Variants in ZC3H13 observed in about 807,000 individuals in gnomAD.
The protein encoded by ZC3H13 is zinc finger CCCH-type containing 13.
A neutral mutation model predicts 204.1 loss-of-function variants in ZC3H13; 64 were observed. That is an observed-to-expected ratio of 0.31 (90% confidence interval 0.26 to 0.39). The LOEUF is 0.39. Among genes scored for constraint, ZC3H13 ranks in the 10% least tolerant of loss-of-function variants. The pLI, the probability that ZC3H13 is intolerant of heterozygous loss-of-function variation, is 1.00. For synonymous variants in ZC3H13, 667 were observed against 693.7 expected (o/e 0.96, Z 0.60); for missense variants, 1,833 against 2,082.7 (o/e 0.88, Z 2.33).
At chr13:45,978,861 C>A (rs1953298963) in intron 11 of ZC3H13, among the ~76,000 whole-genome samples, 1 of 152,054 alleles carries the variant, frequency 6.6e-6, no homozygotes, top group Non-Finnish European at 1.5e-5. Context: ...TTCTACACAT[C>A]TTTTAACCAA....
chr13:46,010,810 T>C (rs992459278), intron 6 of ZC3H13, among the ~76,000 whole-genome samples: 2 of 151,488 alleles, frequency 1.3e-5, no homozygotes, highest in Non-Finnish European at 2.9e-5. Context: ...GAGGATCCCT[T>C]GAGCCCAGGA....
chr13:46,024,005 C>G (rs1660975490), intron 4 of ZC3H13, among the ~76,000 whole-genome samples: 1 of 152,140 alleles, frequency 6.6e-6, no homozygotes, highest in Admixed American at 6.6e-5. Flanking sequence ...ATGGCTTAGG[C>G]CTGCTTCCTG....
intron 4 of ZC3H13, among the ~76,000 whole-genome samples, chr13:46,023,999 C>T (rs933245943): frequency 6.6e-5 from 10 of 152,192 alleles, no homozygotes; most frequent in Admixed American, 1.3e-4. Context: ...GGATAAATGG[C>T]TTAGGCCTGC....
chr13:46,026,032 A>G (rs892989249), intron 4 of ZC3H13, among the ~76,000 whole-genome samples: 1 of 151,416 alleles, frequency 6.6e-6, no homozygotes, highest in Non-Finnish European at 1.5e-5. Flanking sequence ...GAAATTATTC[A>G]CAGATCTGCA....
chr13:46,043,544 C>T (rs1389939186), intron 3 of ZC3H13, among the ~76,000 whole-genome samples: 3 of 151,878 alleles, frequency 2.0e-5, no homozygotes, highest in Non-Finnish European at 2.9e-5. Context: ...ATGTTTTACA[C>T]ACAGCGAATT....
chr13:45,999,167 G>C (rs375819436), intron 8 of ZC3H13, among the ~76,000 whole-genome samples: 2 of 152,288 alleles, frequency 1.3e-5, no homozygotes, highest in South Asian at 4.1e-4. Flanking sequence ...TTCACCACTT[G>C]ATGGGAGGCG....
At chr13:45,959,399 T>G in intron 18 of ZC3H13, 84 bp downstream of exon 18, 1 of 1,316,678 alleles carries the variant, frequency 7.6e-7, no homozygotes. Flanking sequence ...AACATAAGAT[T>G]GCAATCTCAA....
chr13:46,031,231 A>AT (rs1555298006), intron 4 of ZC3H13, among the ~76,000 whole-genome samples: 6 of 152,102 alleles, frequency 3.9e-5, no homozygotes, highest in African/African-American at 1.4e-4. Flanking sequence ...AAATGCAAAA[A>AT]AAATAAATAA....
intron 4 of ZC3H13, among the ~76,000 whole-genome samples, chr13:46,020,807 ATAC>A (rs1246194496): frequency 2.0e-5 from 3 of 152,132 alleles, no homozygotes; most frequent in African/African-American, 7.2e-5. Context: ...GATGTAGACT[ATAC>A]TACATCTATT....
chr13:46,046,152 A>G (rs2043938503), intron 1 of ZC3H13, among the ~76,000 whole-genome samples: 1 of 152,190 alleles, frequency 6.6e-6, no homozygotes, highest in South Asian at 2.1e-4. Flanking sequence ...CTCAATGTTG[A>G]TAGAAACAAC....
intron 10 of ZC3H13, 70 bp downstream of exon 10, chr13:45,985,227 T>C (rs1593539807): frequency 1.5e-6 from 2 of 1,369,572 alleles, no homozygotes; most frequent in Admixed American, 2.4e-5. Flanking sequence ...AGAAACAACA[T>C]ATTAGAAATC....
chr13:45,985,688 A>G lies in ZC3H13; in HGVS notation c.1329T>C (p.Ser443=). 6.2e-7 allele frequency: 1 copy of G among 1,613,970 alleles called. No homozygotes were observed. Among genetic ancestry groups the G allele is most frequent in the Non-Finnish European group, 8.5e-7 (1 of 1,180,010 alleles). Residue 443 remains serine, a synonymous_variant, in exon 10 of 19, where the codon TCT becomes TCC. Transcript: ENST00000679008. ...EREYEQDQSS[S]RDHRDDREPR... ...GTTCTCTGTCATCTCTGTGGTCTCTAGAAGAGCTCTGATCCTGTTCATATT... is the reference window on the plus strand; with the variant it reads ...GTTCTCTGTCATCTCTGTGGTCTCTGGAAGAGCTCTGATCCTGTTCATATT...
chr13:46,051,431 C>G (rs9534298), intron 1 of ZC3H13, among the ~76,000 whole-genome samples: 117,537 of 152,134 alleles, frequency 0.77, 45,783 homozygotes, highest in African/African-American at 0.86. Context: ...CTGTTATAAT[C>G]TAAATAGTTC....
At chr13:45,970,556 G>A in intron 12 of ZC3H13, 91 bp from the exon 13 acceptor site, 1 of 985,484 alleles carries the variant, frequency 1.0e-6, no homozygotes. Context: ...TACTATAACT[G>A]GAACATATAA....
intron 4 of ZC3H13, among the ~76,000 whole-genome samples, chr13:46,021,900 T>C (rs1278933784): frequency 2.6e-5 from 4 of 151,976 alleles, no homozygotes; most frequent in Admixed American, 1.3e-4. Flanking sequence ...AAATATACAT[T>C]ACTGAATAAC....
At chr13:45,975,252 A>C in intron 12 of ZC3H13, 31 bp downstream of exon 12, 1 of 1,580,282 alleles carries the variant, frequency 6.3e-7, no homozygotes, top group Non-Finnish European at 8.6e-7. Context: ...TGAAATGTAA[A>C]ATGTTATTAA....
At chr13:46,045,585 A>G in intron 1 of ZC3H13, 69 bp from the exon 2 acceptor site, 1 of 1,042,516 alleles carries the variant, frequency 9.6e-7, no homozygotes. Context: ...CCCACAGCTT[A>G]CAAGTAGATA....
At chr13:46,046,617 G>A (rs2043983245) in intron 1 of ZC3H13, among the ~76,000 whole-genome samples, 1 of 150,552 alleles carries the variant, frequency 6.6e-6, no homozygotes. Flanking sequence ...GCAGTGAGCC[G>A]AGATCACACC....
At chr13:45,997,136 A>C (rs1317904807) in intron 8 of ZC3H13, among the ~76,000 whole-genome samples, 1 of 152,246 alleles carries the variant, frequency 6.6e-6, no homozygotes, top group Admixed American at 6.5e-5. Flanking sequence ...GTTTTGATCA[A>C]CATTGAATAA....
Sources: allele counts gnomAD v4.1 joint callset (sites outside exome capture counted in the v4.1 genomes callset), GRCh38; gene constraint gnomAD v4.1.1; transcripts MANE v1.5; gene names NCBI Gene and HGNC (gene_info 2026-07-23, HGNC 2026-07-21).